The following MARCHF1 variants were observed in gnomAD, a reference collection of about 807,000 sequenced individuals.
MARCHF1 encodes the protein membrane associated ring-CH-type finger 1, also known as E3 ubiquitin-protein ligase MARCHF1.
MARCHF1 carries 40 observed loss-of-function variants against 54.2 expected under a neutral mutation model. That is an observed-to-expected ratio of 0.74 (90% CI 0.57 to 0.96). The LOEUF is 0.96. Ranked by LOEUF, MARCHF1 falls within the 40% of genes least tolerant of loss-of-function variation. The pLI, the probability that MARCHF1 is intolerant of heterozygous loss-of-function variation, is 0.00. For synonymous variants in MARCHF1, 236 were observed against 236.3 expected (o/e 1.00, Z 0.01); for missense variants, 586 against 656.5 (o/e 0.89, Z 1.17).
chr4:163,565,044 C>A (rs924681403), intron 8 of MARCHF1, among the ~76,000 whole-genome samples: 4 of 152,114 alleles, frequency 2.6e-5, no homozygotes, highest in African/African-American at 7.2e-5. Flanking sequence ...GAAAATACTT[C>A]GTCTTTTCAG....
intron 4 of MARCHF1, among the ~76,000 whole-genome samples, chr4:163,739,956 A>G (rs73868686): frequency 0.015 from 2,317 of 152,320 alleles, 58 homozygotes; most frequent in African/African-American, 0.053. Flanking sequence ...GAATGATGGT[A>G]AAAGAAATGA....
chr4:164,069,503 C>A (rs1217873161), intron 2 of MARCHF1, among the ~76,000 whole-genome samples: 1 of 152,186 alleles, frequency 6.6e-6, no homozygotes, highest in Non-Finnish European at 1.5e-5. Flanking sequence ...CACGAACCCA[C>A]TGGGAGGAAT....
At chr4:164,199,913 T>C (rs1248619997) in intron 1 of MARCHF1, among the ~76,000 whole-genome samples, 1 of 152,190 alleles carries the variant, frequency 6.6e-6, no homozygotes, top group Non-Finnish European at 1.5e-5. Context: ...CTTCTAACTG[T>C]GTGCTCCAGC....
At chr4:164,291,302 G>A (rs1463723598) in intron 1 of MARCHF1, among the ~76,000 whole-genome samples, 1 of 151,888 alleles carries the variant, frequency 6.6e-6, no homozygotes, top group Non-Finnish European at 1.5e-5. Context: ...TTAGCTACAT[G>A]CAATTAAAAT....
intron 9 of MARCHF1, among the ~76,000 whole-genome samples, chr4:163,538,328 AT>A (rs74414639): frequency 0.23 from 24,918 of 107,594 alleles, 2,366 homozygotes; most frequent in African/African-American, 0.29. Flanking sequence ...AAATTTATAA[AT>A]TTTTTTTTTT....
At chr4:164,005,540 G>T (rs1235171379) in intron 2 of MARCHF1, among the ~76,000 whole-genome samples, 1 of 152,048 alleles carries the variant, frequency 6.6e-6, no homozygotes, top group Non-Finnish European at 1.5e-5. Context: ...CCCAACTTAT[G>T]GTTTCTATAC....
intron 7 of MARCHF1, among the ~76,000 whole-genome samples, chr4:163,593,882 A>C (rs1183790720): frequency 2.0e-5 from 3 of 152,200 alleles, no homozygotes; most frequent in Admixed American, 2.0e-4. Flanking sequence ...TCACTCATTC[A>C]TTCATTCATT....
At chr4:163,858,194 C>T (rs944008794) in intron 3 of MARCHF1, among the ~76,000 whole-genome samples, 33 of 152,174 alleles carry the variant, frequency 2.2e-4, no homozygotes, top group African/African-American at 6.5e-4. Context: ...GAGCATGGTA[C>T]GCCTAGAACT....
intron 1 of MARCHF1, among the ~76,000 whole-genome samples, chr4:164,216,019 A>G (rs1027624445): frequency 6.6e-5 from 10 of 152,234 alleles, no homozygotes; most frequent in African/African-American, 2.4e-4. Context: ...CATAATGCCT[A>G]TATAATTCTT....
intron 1 of MARCHF1, among the ~76,000 whole-genome samples, chr4:164,340,692 G>T (rs1729898910): frequency 1.3e-5 from 2 of 151,480 alleles, no homozygotes; most frequent in African/African-American, 4.8e-5. Flanking sequence ...CAAAGTGCTG[G>T]CATTACAGGC....
chr4:164,050,509 A>C (rs1164637864), intron 2 of MARCHF1, among the ~76,000 whole-genome samples: 2 of 151,900 alleles, frequency 1.3e-5, no homozygotes, highest in Admixed American at 6.6e-5. Context: ...CTCTGATCTA[A>C]TCCACCATGT....
rs1753261569 is a variant in MARCHF1, at chr4:164,005,154, T to A, written c.-247-16445A>T. Among the ~76,000 whole-genome samples the A allele has an allele frequency of 2.0e-5, 3 of 151,982 alleles. 1 individual carries two copies. Among genetic ancestry groups the A allele is most frequent in the South Asian group, 2.1e-4 (1 of 4,816 alleles). On this transcript the variant is annotated intron_variant, in intron 2 of 9. Transcript: ENST00000514618. ...ACTATATATTTAACAAATGCAAAAA[T>A]AATTTTAAAAATTATGATCAATTTT...
intron 1 of MARCHF1, among the ~76,000 whole-genome samples, chr4:164,363,567 A>G (rs1730787824): frequency 6.6e-6 from 1 of 152,128 alleles, no homozygotes; most frequent in South Asian, 2.1e-4. Context: ...AGAAAAGCCA[A>G]CAAAGTTCAT....
chr4:163,986,335 GC>G (rs1752869135), intron 3 of MARCHF1, among the ~76,000 whole-genome samples: 1 of 134,716 alleles, frequency 7.4e-6, no homozygotes, highest in African/African-American at 2.8e-5. Context: ...CGCGATCTCG[GC>G]TCACTGCAAG....
At chr4:164,304,564 G>A (rs1050812679) in intron 1 of MARCHF1, among the ~76,000 whole-genome samples, 1 of 152,158 alleles carries the variant, frequency 6.6e-6, no homozygotes, top group African/African-American at 2.4e-5. Flanking sequence ...TAAATTCTTA[G>A]AGGTACCTAG....
At position 164,081,417 on chromosome 4, in the gene MARCHF1, G is replaced by A. The variant is rs568516451; in HGVS notation, c.-248+30171C>T. Among the ~76,000 whole-genome samples the A allele has an allele frequency of 2.6e-5, 4 of 151,858 alleles. No individual in the cohort carries two copies. In the South Asian group the frequency reaches 8.3e-4, roughly 32 times the overall value. ...GGAATAACTTAGCAAAAAGACAGAT[G>A]TTTGTAAAACAATTTTTCTGACAAA... On this transcript the variant is annotated intron_variant, in intron 2 of 9. Coordinates refer to ENST00000514618, the MANE Select transcript of MARCHF1 (RefSeq NM_001394959.1).
At chr4:164,179,856 G>GA (rs1730787110) in intron 1 of MARCHF1, among the ~76,000 whole-genome samples, 1 of 151,014 alleles carries the variant, frequency 6.6e-6, no homozygotes, top group Non-Finnish European at 1.5e-5. Flanking sequence ...AAAATACTGA[G>GA]AAGAAAATTT....
intron 2 of MARCHF1, among the ~76,000 whole-genome samples, chr4:164,054,997 C>T (rs146861208): frequency 0.013 from 1,905 of 152,008 alleles, 38 homozygotes; most frequent in African/African-American, 0.044. Context: ...AGTGGTTTTG[C>T]GTGTTATCTA....
chr4:164,076,763 G>T (rs547965466), intron 2 of MARCHF1, among the ~76,000 whole-genome samples: 1 of 152,234 alleles, frequency 6.6e-6, no homozygotes. Context: ...GCCAAATCAT[G>T]AGTGAGCTCT....
Sources: allele counts gnomAD v4.1 joint callset (sites outside exome capture counted in the v4.1 genomes callset), GRCh38; gene constraint gnomAD v4.1.1; transcripts MANE v1.5; gene names NCBI Gene and HGNC (gene_info 2026-07-23, HGNC 2026-07-21).